CLNK: variants seen among roughly 807,000 people sequenced by gnomAD.
CLNK encodes cytokine-dependent hematopoietic cell linker.
Under a neutral mutation model 68.6 loss-of-function variants are expected in CLNK, and 74 were observed. The ratio of observed to expected loss-of-function variants is 1.08; its 90% CI spans 0.89 to 1.31. The LOEUF (loss-of-function observed/expected upper bound fraction) is 1.31. Ranked by LOEUF, CLNK falls within the 50% of genes most tolerant of loss-of-function variation. The probability of loss-of-function intolerance (pLI) is 0.00; values close to 1 mark genes in which losing one functional copy is unlikely to be tolerated. For synonymous variants in CLNK, 198 were observed against 172.2 expected (o/e 1.15, Z -1.17); for missense variants, 553 against 515.3 (o/e 1.07, Z -0.71).
At chr4:10,633,566 C>G (rs1722969660) in intron 2 of CLNK, among the ~76,000 whole-genome samples, 1 of 152,172 alleles carries the variant, frequency 6.6e-6, no homozygotes, top group Non-Finnish European at 1.5e-5. Flanking sequence ...GACAGAGACC[C>G]ATGCCTAATC....
chr4:10,504,165 G>A (rs1717185034), intron 17 of CLNK, among the ~76,000 whole-genome samples: 1 of 129,110 alleles, frequency 7.7e-6, no homozygotes, highest in Non-Finnish European at 1.6e-5. Flanking sequence ...CTGTCGCCCA[G>A]GTTGGAGTGC....
At chr4:10,599,992 G>C (rs1361274074) in intron 2 of CLNK, among the ~76,000 whole-genome samples, 3 of 152,282 alleles carry the variant, frequency 2.0e-5, no homozygotes, top group South Asian at 2.1e-4. Context: ...ATCCTCATCA[G>C]TTCTCTATTC....
intron 11 of CLNK, among the ~76,000 whole-genome samples, chr4:10,534,859 G>A (rs1167847877): frequency 6.6e-6 from 1 of 152,058 alleles, no homozygotes; most frequent in Non-Finnish European, 1.5e-5. Context: ...TAATAATGAT[G>A]TTTATACTTT....
chr4:10,621,761 C>G (rs1301900588), intron 2 of CLNK, among the ~76,000 whole-genome samples: 2 of 152,158 alleles, frequency 1.3e-5, no homozygotes, highest in Non-Finnish European at 2.9e-5. Flanking sequence ...CCTGTGGCTT[C>G]TCTGTGAACT....
chr4:10,537,941 G>A (rs1044378630), intron 11 of CLNK, among the ~76,000 whole-genome samples: 2 of 151,386 alleles, frequency 1.3e-5, no homozygotes, highest in Admixed American at 1.3e-4. Context: ...AGAAAACTCA[G>A]AGATGTTAAA....
At chr4:10,591,617 C>T (rs192575886) in intron 3 of CLNK, among the ~76,000 whole-genome samples, 2 of 152,348 alleles carry the variant, frequency 1.3e-5, no homozygotes, top group African/African-American at 4.8e-5. Flanking sequence ...CAGATCATGT[C>T]TGGGTCTATA....
intron 15 of CLNK, chr4:10,517,265 A>G (rs1257666272): frequency 1.3e-5 from 2 of 152,184 alleles, no homozygotes; most frequent in African/African-American, 4.8e-5. Context: ...TAAAGGAGAG[A>G]TGAATCCAGT....
intron 2 of CLNK, among the ~76,000 whole-genome samples, chr4:10,622,405 T>C (rs995084754): frequency 6.6e-6 from 1 of 152,240 alleles, no homozygotes; most frequent in Non-Finnish European, 1.5e-5. Flanking sequence ...AGAAATGTCA[T>C]GCTCCTTTGA....
chr4:10,572,203 T>G (rs1720381239), intron 4 of CLNK, among the ~76,000 whole-genome samples: 4 of 152,242 alleles, frequency 2.6e-5, no homozygotes. Context: ...TGCAATAATC[T>G]GTCCATACAT....
At chr4:10,571,847 C>T (rs1400027930) in intron 4 of CLNK, 69 bp from the exon 5 acceptor site, 1 of 1,236,814 alleles carries the variant, frequency 8.1e-7, no homozygotes, top group Non-Finnish European at 1.2e-6. Context: ...AAAGACTGGG[C>T]CCTTGTTTTT....
intron 3 of CLNK, among the ~76,000 whole-genome samples, chr4:10,595,381 A>G (rs1721347371): frequency 6.6e-6 from 1 of 152,218 alleles, no homozygotes; most frequent in South Asian, 2.1e-4. Context: ...TTCATTATAG[A>G]CATGAGGAAA....
chr4:10,546,430 A>G (rs748279217), intron 8 of CLNK, among the ~76,000 whole-genome samples: 23 of 152,184 alleles, frequency 1.5e-4, no homozygotes, highest in Non-Finnish European at 2.9e-4. Flanking sequence ...TTCTTTGCCA[A>G]TTTATAACAA....
At chr4:10,699,512 A>ATTTTTTT in the CLNK span, among the ~76,000 whole-genome samples, 75 of 32,718 alleles carry the variant, frequency 2.3e-3, 1 homozygote, top group East Asian at 4.6e-3. Context: ...ATATATATAT[A>ATTTTTTT]TTTTTTTTTT....
intron 12 of CLNK, 30 bp from the exon 13 acceptor site, chr4:10,528,124 C>T: frequency 8.4e-7 from 1 of 1,197,402 alleles, no homozygotes; most frequent in Non-Finnish European, 1.1e-6. Flanking sequence ...ATAAAATTTA[C>T]TGACTCTTGA....
intron 5 of CLNK, among the ~76,000 whole-genome samples, chr4:10,569,054 C>T (rs915507447): frequency 6.6e-6 from 1 of 152,110 alleles, no homozygotes; most frequent in African/African-American, 2.4e-5. Flanking sequence ...AAGCTGACAC[C>T]ATCATTTTTG....
At chr4:10,661,224 A>C (rs1307063985) in intron 2 of CLNK, among the ~76,000 whole-genome samples, 1 of 152,220 alleles carries the variant, frequency 6.6e-6, no homozygotes, top group East Asian at 1.9e-4. Flanking sequence ...TCATTCATAC[A>C]CACGAGAGAA....
chr4:10,522,014 T>G (rs1249902975), intron 14 of CLNK, among the ~76,000 whole-genome samples: 1 of 152,018 alleles, frequency 6.6e-6, no homozygotes, highest in East Asian at 1.9e-4. Context: ...ATCCCAGAAC[T>G]TTGGGAGGCT....
chr4:10,576,590 CT>C (rs1653617811), intron 4 of CLNK, among the ~76,000 whole-genome samples: 1 of 152,242 alleles, frequency 6.6e-6, no homozygotes, highest in African/African-American at 2.4e-5. Flanking sequence ...CCTTGAACAG[CT>C]CTTCTCGTGT....
chr4:10,496,186 T>C (rs940573777), intron 18 of CLNK, among the ~76,000 whole-genome samples: 1 of 152,196 alleles, frequency 6.6e-6, no homozygotes, highest in African/African-American at 2.4e-5. Flanking sequence ...GTGGTTAAAT[T>C]CAAAAGTTGC....
Sources: gnomAD v4.1 joint callset for allele counts (sites outside exome capture counted in the v4.1 genomes callset) on GRCh38, gnomAD v4.1.1 for gene constraint, MANE v1.5 for transcripts, NCBI Gene and HGNC (gene_info 2026-07-23, HGNC 2026-07-21) for gene names.